BNC1: variants seen among roughly 807,000 people sequenced by gnomAD.
BNC1 encodes the protein zinc finger protein basonuclin-1.
In BNC1, 8 loss-of-function variants were observed where a neutral mutation model predicts 66.5. The observed-to-expected ratio is 0.12, with a 90% CI of 0.07 to 0.22. The LOEUF (loss-of-function observed/expected upper bound fraction) is 0.22, where lower values mean the gene tolerates loss of function less well. Among genes scored for constraint, BNC1 ranks in the 10% least tolerant of loss-of-function variants. The pLI is 1.00. For synonymous variants in BNC1, 454 were observed against 452.6 expected (o/e 1.00, Z -0.04); for missense variants, 1,069 against 1,241.3 (o/e 0.86, Z 2.09).
Position 83,257,900 on chromosome 15 carries a change from C to T in BNC1, c.2527G>A (p.Glu843Lys). ...PITQVHSASL[E>K]SYNSGPLSEG... ...CTCAAGGGGCCAGAGTTGTAGCTCT[C>T]CAGGCTGGCACTGTGGACTTGCGTT... The change falls in exon 5 of 5, where the codon GAG (glutamate) becomes AAG (lysine). Residue 843 changes from glutamate (E) to lysine (K), a missense_variant. This residue lies in a region of BNC1 where 657 missense variants were observed against 715.8 expected (regional missense o/e 0.92). Coordinates refer to ENST00000345382, the MANE Select transcript of BNC1 (RefSeq NM_001717.4). The T allele has an allele frequency of 1.2e-6, 2 of 1,614,118 alleles. No homozygotes were observed. Among genetic ancestry groups the T allele is most frequent in the Non-Finnish European group, 1.7e-6 (2 of 1,179,990 alleles).
At position 83,274,332 on chromosome 15, in the gene BNC1, C is replaced by A. The variant is rs137960893; in HGVS notation, c.100-6100G>T. Among the ~76,000 whole-genome samples, 1,403 of 152,318 alleles carry A rather than the reference C, an allele frequency of 9.2e-3. 21 individuals carry two copies. The highest frequency in any genetic ancestry group is 0.027 in the Middle Eastern group (8 of 294). ...CCTGGGAGGCGGAGCTTGCAGTGAG[C>A]TGAGATCGCGCCACTGCACTCCAGC... is the stretch of plus-strand genomic sequence containing the variant. On this transcript the variant is annotated intron_variant, in intron 1 of 4. Coordinates refer to ENST00000345382, the MANE Select transcript of BNC1 (RefSeq NM_001717.4).
intron 4 of BNC1, among the ~76,000 whole-genome samples, chr15:83,260,272 A>C (rs2038126360): frequency 6.6e-6 from 1 of 152,240 alleles, no homozygotes; most frequent in Non-Finnish European, 1.5e-5. Flanking sequence ...ACAAAAATGT[A>C]AAACAAAGCC....
intron 4 of BNC1, among the ~76,000 whole-genome samples, chr15:83,258,600 GACTAA>G (rs1209143703): frequency 6.6e-6 from 1 of 152,148 alleles, no homozygotes; most frequent in East Asian, 1.9e-4. Flanking sequence ...AGAATGACTA[GACTAA>G]ATCAACTAGA....
At chr15:83,260,523 A>G (rs1220129210) in intron 4 of BNC1, among the ~76,000 whole-genome samples, 1 of 152,174 alleles carries the variant, frequency 6.6e-6, no homozygotes, top group East Asian at 1.9e-4. Flanking sequence ...TCTTCCAGGA[A>G]GCTTTCCTTA....
chr15:83,263,937 G>A lies in BNC1; in HGVS notation c.1314C>T (p.Tyr438=). The A allele has an allele frequency of 6.2e-7, 1 of 1,614,208 alleles. No individual in the cohort carries two copies. Among genetic ancestry groups the A allele is most frequent in the African/African-American group, 1.3e-5 (1 of 75,052 alleles). ...NSLNLASSEN[Y]KCPGFTVTSP... is the part of the protein sequence containing the mutation. The stretch of plus-strand genomic sequence containing the variant: ...ACGTCACTGTGAAACCTGGGCACTT[G>A]TAGTTCTCAGAGCTGGCCAGGTTCA... Residue 438 remains tyrosine (Y), a synonymous_variant, in exon 4 of 5, where the codon TAC becomes TAT. Transcript: ENST00000345382.
chr15:83,267,033 T>C lies in BNC1; in HGVS notation c.238A>G (p.Ser80Gly). ...TTGGACTGGACAATCTCCACCTGGCTTGTTGGATACATGGGGGGGATCCTT... is the reference window on the plus strand; with the variant it reads ...TTGGACTGGACAATCTCCACCTGGCCTGTTGGATACATGGGGGGGATCCTT... ...KLRIPPMYPT[S>G]QVEIVQSNVV... is the part of the protein sequence containing the mutation. Residue 80 changes from serine to glycine, a missense_variant, in exon 3 of 5, where the codon AGC becomes GGC. Physicochemically the swap from Ser to Gly is moderately conservative, Grantham distance 56. Coordinates refer to ENST00000345382, the MANE Select transcript of BNC1 (RefSeq NM_001717.4). The C allele has an allele frequency of 6.2e-7, 1 of 1,614,150 alleles. No homozygotes were observed. Among genetic ancestry groups the C allele is most frequent in the Non-Finnish European group, 8.5e-7 (1 of 1,180,012 alleles).
intron 1 of BNC1, among the ~76,000 whole-genome samples, chr15:83,268,847 G>A (rs2151437341): frequency 6.6e-6 from 1 of 152,316 alleles, no homozygotes; most frequent in East Asian, 1.9e-4. Flanking sequence ...ATGGTGCCAT[G>A]TTTTATGTGG....
chr15:83,260,695 T>C (rs376447657), intron 4 of BNC1, among the ~76,000 whole-genome samples: 13 of 152,174 alleles, frequency 8.5e-5, no homozygotes, highest in African/African-American at 1.4e-4. Context: ...TTCTTAATAT[T>C]TGCTGGGTAA....
chr15:83,268,836 TA>T (rs2151437336), intron 1 of BNC1, among the ~76,000 whole-genome samples: 1 of 152,348 alleles, frequency 6.6e-6, no homozygotes, highest in South Asian at 2.1e-4. Flanking sequence ...CCTTGCATGT[TA>T]TGGTGCCATG....
At chr15:83,283,006 G>T in intron 1 of BNC1, 2 of 1,133,540 alleles carry the variant, frequency 1.8e-6, no homozygotes, top group Non-Finnish European at 2.5e-6. Flanking sequence ...GCCTTCAGAG[G>T]ACTGAGGCGA....
At chr15:83,277,151 A>G (rs1345622175) in intron 1 of BNC1, among the ~76,000 whole-genome samples, 1 of 152,098 alleles carries the variant, frequency 6.6e-6, no homozygotes, top group East Asian at 1.9e-4. Flanking sequence ...CACTGTTCAC[A>G]GCAGTCTCTA....
At chr15:83,277,661 A>C (rs916642715) in intron 1 of BNC1, among the ~76,000 whole-genome samples, 11 of 152,088 alleles carry the variant, frequency 7.2e-5, no homozygotes, top group African/African-American at 2.7e-4. Flanking sequence ...ATTGTTGCTA[A>C]CGTGCATATC....
At chr15:83,276,833 T>C (rs1256974140) in intron 1 of BNC1, among the ~76,000 whole-genome samples, 2 of 152,202 alleles carry the variant, frequency 1.3e-5, no homozygotes, top group Non-Finnish European at 2.9e-5. Context: ...AGTTTCTAGT[T>C]TACACACTGA....
At chr15:83,278,580 C>G (rs1404985584) in intron 1 of BNC1, among the ~76,000 whole-genome samples, 1 of 152,094 alleles carries the variant, frequency 6.6e-6, no homozygotes, top group African/African-American at 2.4e-5. Context: ...GGAAAAAAAT[C>G]AAATGTGTAT....
At chr15:83,276,508 C>A (rs1308976235) in intron 1 of BNC1, among the ~76,000 whole-genome samples, 1 of 152,188 alleles carries the variant, frequency 6.6e-6, no homozygotes, top group Non-Finnish European at 1.5e-5. Context: ...TCTTTTTCCC[C>A]AATATGCCTT....
chr15:83,272,652 C>T lies in BNC1; in HGVS notation c.100-4420G>A, dbSNP rs534688228. Among the ~76,000 whole-genome samples the T allele has an allele frequency of 4.0e-4, 61 of 152,284 alleles. 4 individuals are homozygous for T. The highest frequency in any genetic ancestry group is 1.3e-4 in the Non-Finnish European group (9 of 68,024). On this transcript the variant is annotated intron_variant, in intron 1 of 4. Coordinates refer to ENST00000345382, the MANE Select transcript of BNC1 (RefSeq NM_001717.4). ...TAGAGATGTCCTTAAGCACATGCTT[C>T]CTGAAGACTCTGCTCAAAAGGCTCA... is the stretch of plus-strand genomic sequence containing the variant.
At chr15:83,269,086 T>A (rs1026799609) in intron 1 of BNC1, among the ~76,000 whole-genome samples, 1 of 152,118 alleles carries the variant, frequency 6.6e-6, no homozygotes, top group African/African-American at 2.4e-5. Context: ...TAGCCGGGCA[T>A]GGTGGCACAT....
At position 83,258,090 on chromosome 15, in the gene BNC1, C is replaced by T; in HGVS notation, c.2337G>A (p.Leu779=). 6.2e-7 allele frequency: 1 copy of T among 1,604,254 alleles called. No homozygotes were observed. ...CACTACTCTCCAATGCTTCCTGGCT[C>T]AATGCTTTTTGGTGGAGGTTTAGGT... is the stretch of plus-strand genomic sequence containing the variant. ...SSNLNLHQKA[L]SQEALESSED... is the part of the protein sequence containing the mutation. The change falls in exon 5 of 5, where the codon TTG becomes TTA. Residue 779 remains leucine (L), a synonymous_variant. Coordinates refer to ENST00000345382, the MANE Select transcript of BNC1 (RefSeq NM_001717.4).
chr15:83,277,364 C>T (rs932834086), intron 1 of BNC1, among the ~76,000 whole-genome samples: 11 of 152,110 alleles, frequency 7.2e-5, no homozygotes, highest in Non-Finnish European at 1.2e-4. Context: ...GGCTGGAGTG[C>T]TGTGGTGGGA....
Sources: allele counts gnomAD v4.1 joint callset (sites outside exome capture counted in the v4.1 genomes callset), GRCh38; gene constraint gnomAD v4.1.1; regional missense constraint gnomAD v4.1.1; transcripts MANE v1.5; gene names NCBI Gene and HGNC (gene_info 2026-07-23, HGNC 2026-07-21).